Variants in PLS3 observed in about 807,000 individuals in gnomAD.
PLS3 encodes plastin 3.
A neutral mutation model predicts 46.5 loss-of-function variants in PLS3; 11 were observed. The ratio of observed to expected loss-of-function variants is 0.24; its 90% CI spans 0.15 to 0.39. The LOEUF is 0.39. Ranked by LOEUF, PLS3 falls within the 10% of genes least tolerant of loss-of-function variation. PLS3 has a pLI of 1.00. For synonymous variants in PLS3, 167 were observed against 162.2 expected, an observed-to-expected ratio of 1.03 and a Z score of -0.22; for missense variants, 308 against 461.8, an observed-to-expected ratio of 0.67 and a Z score of 3.05.
intron 2 of PLS3, 95 bp downstream of exon 2, chrX:115,610,418 A>G (rs1450178410): frequency 9.4e-6 from 4 of 427,287 alleles, no homozygotes; most frequent in Non-Finnish European, 1.6e-5. Flanking sequence ...TTAATCAAAA[A>G]CATTAGGGCA....
chrX:115,626,231 G>A (rs1414362655), intron 3 of PLS3, among the ~76,000 whole-genome samples: 1 of 111,221 alleles, frequency 9.0e-6, no homozygotes, highest in African/African-American at 3.3e-5. Flanking sequence ...GCAAATTCTT[G>A]TGTAGTGAAT....
intron 3 of PLS3, among the ~76,000 whole-genome samples, chrX:115,626,406 T>A (rs2074711136): frequency 9.1e-6 from 1 of 109,390 alleles, no homozygotes; most frequent in South Asian, 4.0e-4. Context: ...TGCCTCAGTC[T>A]CCAGAGTAGC....
chrX:115,589,515 C>G (rs1404343855), intron 1 of PLS3, among the ~76,000 whole-genome samples: 1 of 111,540 alleles, frequency 9.0e-6, no homozygotes, highest in African/African-American at 3.3e-5. Context: ...GCTTCACTCA[C>G]TATGTTTGTT....
Position 115,646,203 on chromosome X carries a change from C to A in PLS3, c.1377+17C>A. On this transcript the variant is annotated intron_variant, in intron 12 of 15. Transcript: ENST00000355899. ...ATGAAAAAGGTAGATAATTAAGTTG[C>A]TGTATATATTTGTTAGAGTATTTTT... 1.0e-6 allele frequency: 1 copy of A among 953,318 alleles called. No individual in the cohort carries two copies. The highest frequency in any genetic ancestry group is 1.5e-6 in the Non-Finnish European group (1 of 671,664). 78.6% of individuals were successfully genotyped at this position (953,318 alleles called of 1,213,427 possible).
chrX:115,569,011 G>A (rs190255885), intron 1 of PLS3, among the ~76,000 whole-genome samples: 11 of 97,112 alleles, frequency 1.1e-4, no homozygotes, highest in Non-Finnish European at 2.2e-4. Flanking sequence ...ACTCCAGCCC[G>A]GGCAACAGAG....
At chrX:115,611,351 G>A (rs183051855) in intron 2 of PLS3, among the ~76,000 whole-genome samples, 2 of 106,215 alleles carry the variant, frequency 1.9e-5, no homozygotes, top group Non-Finnish European at 3.8e-5. Flanking sequence ...GCGCACGCGC[G>A]TGTGTGTGTG....
chrX:115,597,067 C>T (rs1005924689), intron 1 of PLS3, among the ~76,000 whole-genome samples: 4 of 109,779 alleles, frequency 3.6e-5, no homozygotes, highest in Admixed American at 2.0e-4. Context: ...ATCACTTGAA[C>T]CCAGGAGGTG....
In PLS3 at chrX:115,564,439, T is replaced by C. The variant is rs955074445; in HGVS notation, c.-9+3179T>C. On this transcript the variant is annotated intron_variant, in intron 1 of 15. Transcript: ENST00000355899. ...AGACTTTGACTGTGACTGTTTATAC[T>C]GGCAGAATGTCAGTATCTAGGGCAC... Among the ~76,000 whole-genome samples the C allele has an allele frequency of 2.7e-5, 3 of 112,360 alleles. No homozygotes were observed. The Admixed American group carries it at 2.8e-4, about 11-fold the overall frequency.
intron 8 of PLS3, among the ~76,000 whole-genome samples, chrX:115,637,397 T>C (rs1447425278): frequency 2.7e-5 from 3 of 111,424 alleles, no homozygotes; most frequent in African/African-American, 9.8e-5. Flanking sequence ...TTATCCTACC[T>C]TTAGTTGTGA....
chrX:115,631,826 T>C (rs1556639454), intron 5 of PLS3, among the ~76,000 whole-genome samples: 1 of 111,580 alleles, frequency 9.0e-6, no homozygotes, highest in African/African-American at 3.3e-5. Context: ...GTTTTTGAGA[T>C]GGAGCCTTGC....
chrX:115,646,258 ACT>A (rs1163375179), intron 12 of PLS3, 72 bp downstream of exon 12: 1 of 871,645 alleles, frequency 1.1e-6, no homozygotes, highest in African/African-American at 2.0e-5. Flanking sequence ...TGTTTCTAAA[ACT>A]CTTGACGCTG....
intron 1 of PLS3, among the ~76,000 whole-genome samples, chrX:115,566,652 C>G (rs1456023078): frequency 9.2e-6 from 1 of 108,992 alleles, no homozygotes; most frequent in Non-Finnish European, 1.9e-5. Flanking sequence ...GCTGGGATTA[C>G]AGGCGTGAGC....
At chrX:115,574,038 T>C (rs1173245453) in intron 1 of PLS3, among the ~76,000 whole-genome samples, 2 of 111,133 alleles carry the variant, frequency 1.8e-5, no homozygotes, top group Admixed American at 9.6e-5. Context: ...CAGGAATACG[T>C]AGGATTTCAA....
At chrX:115,636,127 C>A (rs1198386164) in intron 7 of PLS3, among the ~76,000 whole-genome samples, 3 of 111,195 alleles carry the variant, frequency 2.7e-5, no homozygotes, top group African/African-American at 9.8e-5. Context: ...CAAATACCAC[C>A]GTGTTTCTAG....
chrX:115,571,291 G>A (rs1450350471), intron 1 of PLS3, among the ~76,000 whole-genome samples: 2 of 111,892 alleles, frequency 1.8e-5, no homozygotes, highest in Non-Finnish European at 3.8e-5. Flanking sequence ...GCCAAGGCGG[G>A]CAAATCACTT....
At chrX:115,587,456 C>A (rs1028301547) in intron 1 of PLS3, among the ~76,000 whole-genome samples, 29 of 112,102 alleles carry the variant, frequency 2.6e-4, no homozygotes, top group Non-Finnish European at 5.3e-4. Context: ...GAAAACCAGG[C>A]CGGGCGCGGT....
chrX:115,649,413 T>C lies in PLS3; in HGVS notation c.1761-16T>C, dbSNP rs375993028. On this transcript the variant is annotated splice_polypyrimidine_tract_variant and intron_variant, in intron 15 of 15. Transcript: ENST00000355899. Reference sequence around the variant, plus strand: ...TGACAAGAATTTCATCCTGATTTTGTTTCCCCCTAAAATAGGTATGCAGTG... The same window carrying C: ...TGACAAGAATTTCATCCTGATTTTGCTTCCCCCTAAAATAGGTATGCAGTG... 9.3e-6 allele frequency: 11 copies of C among 1,183,283 alleles called. No homozygotes were observed. In the African/African-American group the frequency reaches 1.6e-4, roughly 17 times the overall value.
intron 1 of PLS3, among the ~76,000 whole-genome samples, chrX:115,575,530 G>A (rs111650882): frequency 0.017 from 1,933 of 111,608 alleles, 27 homozygotes; most frequent in African/African-American, 0.033. Flanking sequence ...TGCAAGCTCC[G>A]CCTCCCGGGT....
At chrX:115,564,842 A>G (rs148132299) in intron 1 of PLS3, among the ~76,000 whole-genome samples, 1,740 of 111,982 alleles carry the variant, frequency 0.016, 35 homozygotes, top group African/African-American at 0.051. Flanking sequence ...CATGACAACA[A>G]TGGGGTATCT....
Sources: allele counts gnomAD v4.1 joint callset (sites outside exome capture counted in the v4.1 genomes callset), GRCh38; gene constraint gnomAD v4.1.1; transcripts MANE v1.5; gene names NCBI Gene and HGNC (gene_info 2026-07-23, HGNC 2026-07-21).